The following SCLT1 variants were observed in gnomAD, a reference collection of about 807,000 sequenced individuals.
SCLT1 encodes sodium channel and clathrin linker 1, also known as sodium channel-associated protein 1.
Under a neutral mutation model 112.8 loss-of-function variants are expected in SCLT1, and 78 were observed. The observed-to-expected ratio is 0.69, with a 90% CI of 0.58 to 0.83. The LOEUF is 0.83. Among genes scored for constraint, SCLT1 ranks in the 40% least tolerant of loss-of-function variants. The probability of loss-of-function intolerance (pLI) is 0.00; values close to 1 mark genes in which losing one functional copy is unlikely to be tolerated. For missense variants in SCLT1, 747 were observed against 770.4 expected, an observed-to-expected ratio of 0.97 and a Z score of 0.36; for synonymous variants, 257 against 254.7, an observed-to-expected ratio of 1.01 and a Z score of -0.09.
intron 18 of SCLT1, among the ~76,000 whole-genome samples, chr4:128,897,801 A>C (rs957569765): frequency 6.6e-6 from 1 of 152,318 alleles, no homozygotes; most frequent in African/African-American, 2.4e-5. Context: ...AGACACACAT[A>C]GGCTCAAAAT....
chr4:129,039,548 G>A (rs1747484310), intron 4 of SCLT1: 1 of 156,688 alleles, frequency 6.4e-6, no homozygotes. Flanking sequence ...AGAAAATGGA[G>A]GTCTTTTTTA....
chr4:128,972,303 C>T (rs1013389633), intron 9 of SCLT1: 1 of 151,942 alleles, frequency 6.6e-6, no homozygotes, highest in African/African-American at 2.4e-5. Context: ...GGTTTTCTTA[C>T]CTTCAGAAAG....
Position 128,987,307 on chromosome 4 carries a change from C to T in SCLT1, c.686+4860G>A, listed in dbSNP as rs73847342. Among the ~76,000 whole-genome samples the T allele has an allele frequency of 3.8e-3, 575 of 152,172 alleles. 1 individual carries two copies. The highest frequency in any genetic ancestry group is 0.011 in the African/African-American group (477 of 41,524). ...AGATACCGATGAGCATCCACAAGCACGAAGAACATCCAGAAAAACATGACT... is the reference window on the plus strand; with the variant it reads ...AGATACCGATGAGCATCCACAAGCATGAAGAACATCCAGAAAAACATGACT... On this transcript the variant is annotated intron_variant, in intron 9 of 20. Coordinates refer to ENST00000281142, the MANE Select transcript of SCLT1 (RefSeq NM_144643.4).
chr4:128,960,538 C>A (rs1266583974), intron 11 of SCLT1, among the ~76,000 whole-genome samples: 1 of 152,140 alleles, frequency 6.6e-6, no homozygotes, highest in Non-Finnish European at 1.5e-5. Flanking sequence ...CTTTTGTAAG[C>A]CATATGGATT....
chr4:129,082,211 C>T (rs1193866537), intron 2 of SCLT1, 95 bp downstream of exon 2: 3 of 511,670 alleles, frequency 5.9e-6, no homozygotes, highest in Non-Finnish European at 1.0e-5. Context: ...AACAAGCTTT[C>T]CCATTACAGG....
chr4:129,032,309 C>A (rs1480981322), intron 5 of SCLT1, among the ~76,000 whole-genome samples: 1 of 152,024 alleles, frequency 6.6e-6, no homozygotes, highest in African/African-American at 2.4e-5. Context: ...AAACTGGACC[C>A]CTTCCTTACA....
At chr4:129,055,352 A>G (rs1749257926) in intron 2 of SCLT1, among the ~76,000 whole-genome samples, 1 of 152,184 alleles carries the variant, frequency 6.6e-6, no homozygotes, top group Non-Finnish European at 1.5e-5. Context: ...ATCAGGCAAG[A>G]TCGTTTAATT....
At chr4:129,042,525 T>TA (rs1170609947) in intron 4 of SCLT1, among the ~76,000 whole-genome samples, 3 of 151,930 alleles carry the variant, frequency 2.0e-5, no homozygotes, top group South Asian at 2.1e-4. Flanking sequence ...AGTTTTAGGT[T>TA]AAAAAAAGAG....
rs182239608 is a variant in SCLT1, at chr4:128,966,048, T to C, written c.778-730A>G. Among the ~76,000 whole-genome samples, 114 of 151,844 alleles carry C rather than the reference T, an allele frequency of 7.5e-4. 1 individual carries two copies. The South Asian group carries it at 0.01, about 14-fold the overall frequency. On this transcript the variant is annotated intron_variant, in intron 10 of 20. Coordinates refer to ENST00000281142, the MANE Select transcript of SCLT1 (RefSeq NM_144643.4). Reference sequence around the variant, plus strand: ...GGTTTCACCACATTGGCCAGGCTGGTCTTGAACTCCTGACCTCGTGATCCA... The same window carrying C: ...GGTTTCACCACATTGGCCAGGCTGGCCTTGAACTCCTGACCTCGTGATCCA...
chr4:128,961,436 C>T (rs1739722166), intron 11 of SCLT1, among the ~76,000 whole-genome samples: 1 of 152,060 alleles, frequency 6.6e-6, no homozygotes, highest in South Asian at 2.1e-4. Context: ...TTATTACATG[C>T]TCAACTCATT....
At chr4:128,916,157 G>C (rs1735455847) in intron 18 of SCLT1, among the ~76,000 whole-genome samples, 1 of 152,152 alleles carries the variant, frequency 6.6e-6, no homozygotes, top group Non-Finnish European at 1.5e-5. Context: ...TGAAAAGATG[G>C]ACAGCCAAGA....
chr4:129,070,807 T>TCCA (rs1417467939), intron 2 of SCLT1, among the ~76,000 whole-genome samples: 1 of 152,146 alleles, frequency 6.6e-6, no homozygotes, highest in Non-Finnish European at 1.5e-5. Flanking sequence ...TTTCCTTTGT[T>TCCA]CTGCTGGGTT....
chr4:128,960,583 A>G (rs1201222865), intron 11 of SCLT1, among the ~76,000 whole-genome samples: 1 of 151,932 alleles, frequency 6.6e-6, no homozygotes, highest in African/African-American at 2.4e-5. Context: ...TTCTTTGCAT[A>G]TTTTTTTCCG....
intron 6 of SCLT1, among the ~76,000 whole-genome samples, chr4:129,002,402 A>T (rs973271358): frequency 6.6e-6 from 1 of 152,116 alleles, no homozygotes; most frequent in Middle Eastern, 3.2e-3. Context: ...CTATGAGAGA[A>T]AAAGAAAAAG....
intron 5 of SCLT1, among the ~76,000 whole-genome samples, chr4:129,007,189 G>C (rs1744105091): frequency 6.6e-6 from 1 of 151,818 alleles, no homozygotes; most frequent in Admixed American, 6.6e-5. Flanking sequence ...AAACTATCAC[G>C]TGTACTTAGA....
chr4:128,897,032 C>T (rs1446619845), intron 18 of SCLT1, among the ~76,000 whole-genome samples: 1 of 152,156 alleles, frequency 6.6e-6, no homozygotes, highest in Admixed American at 6.5e-5. Context: ...TGTGAAAAGA[C>T]CAACTCTCGT....
intron 18 of SCLT1, among the ~76,000 whole-genome samples, chr4:128,932,674 CCT>C (rs1553964063): frequency 6.6e-6 from 1 of 151,944 alleles, no homozygotes; most frequent in African/African-American, 2.4e-5. Context: ...TTAAATTGTC[CCT>C]GTTTGCAAAT....
intron 1 of SCLT1, among the ~76,000 whole-genome samples, chr4:129,090,867 G>A (rs1369947431): frequency 1.3e-5 from 2 of 152,178 alleles, no homozygotes; most frequent in African/African-American, 2.4e-5. Context: ...GCTGCCTGTC[G>A]TTATGATATG....
chr4:129,092,251 T>C (rs548698851), intron 1 of SCLT1, among the ~76,000 whole-genome samples: 6 of 152,304 alleles, frequency 3.9e-5, no homozygotes, highest in Non-Finnish European at 7.4e-5. Context: ...GCACTTGCCA[T>C]TTCCCTATAT....
Sources: gnomAD v4.1 joint callset for allele counts (sites outside exome capture counted in the v4.1 genomes callset) on GRCh38, gnomAD v4.1.1 for gene constraint, MANE v1.5 for transcripts, NCBI Gene and HGNC (gene_info 2026-07-23, HGNC 2026-07-21) for gene names.